LHFPL3: variants seen among roughly 807,000 people sequenced by gnomAD.
LHFPL3 encodes the protein LHFPL tetraspan subfamily member 3 protein.
Under a neutral mutation model 19.3 loss-of-function variants are expected in LHFPL3, and 5 were observed. The observed-to-expected ratio is 0.26, with a 90% CI of 0.14 to 0.54. LHFPL3 has a LOEUF of 0.54. Ranked by LOEUF, LHFPL3 falls within the 20% of genes least tolerant of loss-of-function variation. The probability of loss-of-function intolerance (pLI) is 0.94; values close to 1 mark genes in which losing one functional copy is unlikely to be tolerated. For synonymous variants in LHFPL3, 133 were observed against 126.2 expected (o/e 1.05, Z -0.36); for missense variants, 249 against 307.4 (o/e 0.81, Z 1.42).
At chr7:104,651,040 G>A (rs1338075860) in intron 1 of LHFPL3, among the ~76,000 whole-genome samples, 1 of 152,098 alleles carries the variant, frequency 6.6e-6, no homozygotes, top group Admixed American at 6.6e-5. Flanking sequence ...GTACAGCAGC[G>A]GGGTAAGAGA....
chr7:104,855,406 T>C (rs1174365534), intron 2 of LHFPL3, among the ~76,000 whole-genome samples: 1 of 152,232 alleles, frequency 6.6e-6, no homozygotes, highest in African/African-American at 2.4e-5. Flanking sequence ...GGAGTGTGAC[T>C]GCAAGTCACA....
intron 1 of LHFPL3, among the ~76,000 whole-genome samples, chr7:104,393,804 A>G (rs1425214812): frequency 6.6e-6 from 1 of 152,228 alleles, no homozygotes; most frequent in Non-Finnish European, 1.5e-5. Flanking sequence ...CTACAACATG[A>G]ATGAATATTG....
chr7:104,885,733 A>G (rs1056467398), intron 2 of LHFPL3, among the ~76,000 whole-genome samples: 8 of 151,426 alleles, frequency 5.3e-5, no homozygotes, highest in African/African-American at 1.9e-4. Flanking sequence ...CTTGTCACTC[A>G]CTCACTCACA....
intron 1 of LHFPL3, among the ~76,000 whole-genome samples, chr7:104,522,003 GA>G (rs1294385385): frequency 6.6e-6 from 1 of 151,964 alleles, no homozygotes; most frequent in Non-Finnish European, 1.5e-5. Context: ...TCTAGAACTG[GA>G]AATACCATTT....
intron 1 of LHFPL3, among the ~76,000 whole-genome samples, chr7:104,588,434 TG>T (rs1419240939): frequency 6.6e-6 from 1 of 152,148 alleles, no homozygotes; most frequent in Non-Finnish European, 1.5e-5. Flanking sequence ...TGTAGATGTG[TG>T]GTATTATTTC....
intron 2 of LHFPL3, among the ~76,000 whole-genome samples, chr7:104,764,329 C>A (rs1428160022): frequency 6.6e-6 from 1 of 152,084 alleles, no homozygotes; most frequent in Non-Finnish European, 1.5e-5. Flanking sequence ...CCACCATGCC[C>A]AGTGAATTTT....
intron 1 of LHFPL3, among the ~76,000 whole-genome samples, chr7:104,721,838 G>T (rs1357850825): frequency 2.6e-5 from 4 of 152,160 alleles, no homozygotes; most frequent in Admixed American, 6.5e-5. Flanking sequence ...ATGAGATGAT[G>T]CCTGTAAAGT....
chr7:104,879,893 T>C (rs1792015121), intron 2 of LHFPL3, among the ~76,000 whole-genome samples: 2 of 152,166 alleles, frequency 1.3e-5, no homozygotes, highest in Non-Finnish European at 1.5e-5. Flanking sequence ...AGTCAATGCC[T>C]GGCTTTGAAG....
chr7:104,869,947 T>C (rs924399811), intron 2 of LHFPL3, among the ~76,000 whole-genome samples: 16 of 152,246 alleles, frequency 1.1e-4, no homozygotes, highest in Non-Finnish European at 2.1e-4. Context: ...TGTAGGGACA[T>C]GGATGAAGCT....
chr7:104,573,334 C>A (rs754094204), intron 1 of LHFPL3, among the ~76,000 whole-genome samples: 3 of 150,954 alleles, frequency 2.0e-5, no homozygotes, highest in Admixed American at 6.6e-5. Context: ...ATCACTTGAA[C>A]CTGGGAGGCG....
chr7:104,581,565 G>C (rs1790462444), intron 1 of LHFPL3, among the ~76,000 whole-genome samples: 1 of 151,974 alleles, frequency 6.6e-6, no homozygotes. Context: ...GTCTGTTTAA[G>C]AAAACTTCCC....
chr7:104,478,699 A>T (rs1442647276), intron 1 of LHFPL3, among the ~76,000 whole-genome samples: 1 of 152,228 alleles, frequency 6.6e-6, no homozygotes, highest in East Asian at 1.9e-4. Context: ...AGGGAGACTC[A>T]GATAAATACT....
intron 1 of LHFPL3, among the ~76,000 whole-genome samples, chr7:104,356,268 G>T (rs1282974209): frequency 6.6e-6 from 1 of 152,172 alleles, no homozygotes; most frequent in Non-Finnish European, 1.5e-5. Flanking sequence ...CTCCTTTCTT[G>T]TTTCCTGTAC....
At chr7:104,572,119 G>A (rs1301918937) in intron 1 of LHFPL3, among the ~76,000 whole-genome samples, 1 of 152,136 alleles carries the variant, frequency 6.6e-6, no homozygotes, top group East Asian at 1.9e-4. Context: ...AAATGTACCA[G>A]ATCAAAAAGT....
At chr7:104,552,857 A>T (rs992886485) in intron 1 of LHFPL3, among the ~76,000 whole-genome samples, 1 of 152,226 alleles carries the variant, frequency 6.6e-6, no homozygotes, top group Admixed American at 6.5e-5. Flanking sequence ...GGAAATAGAA[A>T]GTAGGAATTA....
At position 104,780,171 on chromosome 7, in the gene LHFPL3, C is replaced by A. The variant is rs531607096; in HGVS notation, c.682+43260C>A. Among the ~76,000 whole-genome samples, 41 of 152,290 alleles carry A rather than the reference C, an allele frequency of 2.7e-4. 1 individual carries two copies. The highest frequency in any genetic ancestry group is 9.1e-4 in the African/African-American group (38 of 41,558). Reference sequence around the variant, plus strand: ...CTCATCCACAAGGATAGGGCCCCACCCCACATACCAGTGGCCACTTCCCAC... The same window carrying A: ...CTCATCCACAAGGATAGGGCCCCACACCACATACCAGTGGCCACTTCCCAC... On this transcript the variant is annotated intron_variant, in intron 2 of 2. Coordinates refer to ENST00000424859, the MANE Select transcript of LHFPL3 (RefSeq NM_199000.3).
At chr7:104,874,411 G>C (rs1373336705) in intron 2 of LHFPL3, among the ~76,000 whole-genome samples, 1 of 148,016 alleles carries the variant, frequency 6.8e-6, no homozygotes, top group Admixed American at 6.7e-5. Context: ...TTTTTTGGGG[G>C]GGGGACAGAG....
chr7:104,701,798 G>A (rs1793107744), intron 1 of LHFPL3, among the ~76,000 whole-genome samples: 1 of 152,014 alleles, frequency 6.6e-6, no homozygotes, highest in South Asian at 2.1e-4. Flanking sequence ...TATTTCAGTC[G>A]AAAAATTTGC....
At chr7:104,855,573 C>A (rs1183757625) in intron 2 of LHFPL3, among the ~76,000 whole-genome samples, 1 of 152,036 alleles carries the variant, frequency 6.6e-6, no homozygotes, top group Non-Finnish European at 1.5e-5. Context: ...CAAAAGAATA[C>A]CCTTCTGGAT....
Sources: gnomAD v4.1 joint callset for allele counts (sites outside exome capture counted in the v4.1 genomes callset) on GRCh38, gnomAD v4.1.1 for gene constraint, MANE v1.5 for transcripts, NCBI Gene and HGNC (gene_info 2026-07-23, HGNC 2026-07-21) for gene names.